The following EYA2 variants were observed in gnomAD, a reference collection of about 807,000 sequenced individuals.
EYA2 encodes protein phosphatase EYA2.
In EYA2, 31 loss-of-function variants were observed where a neutral mutation model predicts 69.2. The ratio of observed to expected loss-of-function variants is 0.45; its 90% CI spans 0.34 to 0.60. The LOEUF is 0.60. EYA2 is among the 20% of genes least tolerant of loss of function. The pLI is 0.02. For missense variants in EYA2, 622 were observed against 701.2 expected (o/e 0.89, Z 1.28); for synonymous variants, 257 against 279.4 (o/e 0.92, Z 0.80).
chr20:46,990,331 G>A (rs1018902489), intron 2 of EYA2, among the ~76,000 whole-genome samples: 6 of 152,180 alleles, frequency 3.9e-5, no homozygotes, highest in Non-Finnish European at 8.8e-5. Flanking sequence ...GTGCTCATTC[G>A]TGTCTTGAAC....
chr20:47,159,143 G>T (rs989868603), intron 10 of EYA2, among the ~76,000 whole-genome samples: 1 of 151,984 alleles, frequency 6.6e-6, no homozygotes, highest in Non-Finnish European at 1.5e-5. Context: ...TCTTTCCAAA[G>T]AGTACAATAT....
chr20:46,970,923 T>C (rs1245338385), intron 1 of EYA2, among the ~76,000 whole-genome samples: 3 of 128,730 alleles, frequency 2.3e-5, no homozygotes, highest in Non-Finnish European at 5.0e-5. Flanking sequence ...AATGATATTA[T>C]GGGGTTTGCT....
At chr20:47,145,135 A>G (rs1436930029) in intron 10 of EYA2, among the ~76,000 whole-genome samples, 2 of 152,212 alleles carry the variant, frequency 1.3e-5, no homozygotes, top group East Asian at 3.8e-4. Flanking sequence ...AAACAAATCC[A>G]TAAACAAGAC....
At chr20:47,031,620 C>G (rs1026421981) in intron 5 of EYA2, among the ~76,000 whole-genome samples, 8 of 152,202 alleles carry the variant, frequency 5.3e-5, no homozygotes, top group African/African-American at 1.7e-4. Flanking sequence ...TCCTTTTACT[C>G]CCAGAGGAAT....
intron 10 of EYA2, among the ~76,000 whole-genome samples, chr20:47,158,517 CA>C (rs11435825): frequency 6.4e-4 from 90 of 139,566 alleles, no homozygotes; most frequent in Admixed American, 7.4e-4. Context: ...AACTCTGTCT[CA>C]AAAAAAAAAA....
intron 9 of EYA2, among the ~76,000 whole-genome samples, chr20:47,114,859 T>TC (rs777363380): frequency 6.6e-6 from 1 of 152,152 alleles, no homozygotes; most frequent in East Asian, 1.9e-4. Context: ...TCCGCCACTC[T>TC]CCCCCTCTTG....
chr20:47,089,387 C>T lies in EYA2; in HGVS notation c.804+6C>T. On this transcript the variant is annotated splice_donor_region_variant and intron_variant, in intron 8 of 15. Coordinates refer to ENST00000327619, the MANE Select transcript of EYA2 (RefSeq NM_005244.5). ...CAGGGGACAATGAGATTGAGGTAAT[C>T]CAAAGGGGCTCTGTGTGACCTGGTG... 6.2e-7 allele frequency: 1 copy of T among 1,610,500 alleles called. No homozygotes were observed.
At chr20:46,978,574 C>T (rs143033887) in intron 1 of EYA2, 26 of 534,722 alleles carry the variant, frequency 4.9e-5, no homozygotes, top group African/African-American at 2.1e-4. Context: ...AGGCTGTGTT[C>T]GGAACTCTTT....
At chr20:47,053,495 G>A (rs746070157) in intron 5 of EYA2, among the ~76,000 whole-genome samples, 5 of 151,760 alleles carry the variant, frequency 3.3e-5, no homozygotes, top group Non-Finnish European at 5.9e-5. Context: ...ACAAAACTCC[G>A]TCTCTACTAG....
At position 47,188,557 on chromosome 20, in the gene EYA2, T is replaced by C; in HGVS notation, c.*424T>C. ...TTTCTTAGTCGTTGGTTTGGTTTGG[T>C]TTTTTGAACTGGTATGTGGGGTGGT... On this transcript the variant is annotated 3_prime_UTR_variant, in exon 16 of 16. Transcript: ENST00000327619. 1 of 461,050 alleles carries C rather than the reference T, an allele frequency of 2.2e-6. No individual in the cohort carries two copies. The highest frequency in any genetic ancestry group is 3.8e-6 in the Non-Finnish European group (1 of 262,924). 28.6% of individuals were successfully genotyped at this position (461,050 alleles called of 1,614,324 possible).
chr20:47,069,087 A>G (rs2031217399), intron 5 of EYA2, among the ~76,000 whole-genome samples: 2 of 152,324 alleles, frequency 1.3e-5, no homozygotes, highest in South Asian at 2.1e-4. Flanking sequence ...ATTCAGTCCA[A>G]TTCCTACCAA....
At chr20:46,958,451 A>G (rs946310405) in intron 1 of EYA2, among the ~76,000 whole-genome samples, 2 of 95,086 alleles carry the variant, frequency 2.1e-5, no homozygotes, top group Admixed American at 2.0e-4. Context: ...TGTAATTATG[A>G]AAAAAAAACA....
intron 10 of EYA2, among the ~76,000 whole-genome samples, chr20:47,145,915 TAAAAA>T (rs2033690879): frequency 4.3e-5 from 6 of 139,030 alleles, no homozygotes; most frequent in Admixed American, 2.1e-4. Context: ...AAAAAAAAAG[TAAAAA>T]AGAAAAGAAA....
At chr20:47,025,530 T>C (rs1009790745) in intron 5 of EYA2, among the ~76,000 whole-genome samples, 2 of 152,226 alleles carry the variant, frequency 1.3e-5, no homozygotes, top group African/African-American at 4.8e-5. Flanking sequence ...ATGCCTATTA[T>C]TGCATTGAAT....
chr20:47,007,918 A>G (rs938038000), intron 4 of EYA2, among the ~76,000 whole-genome samples: 2 of 152,124 alleles, frequency 1.3e-5, no homozygotes, highest in African/African-American at 4.8e-5. Context: ...ATGAGCTACC[A>G]TGCCCAGCCT....
At chr20:47,171,718 C>G (rs2146654425) in intron 11 of EYA2, among the ~76,000 whole-genome samples, 1 of 152,254 alleles carries the variant, frequency 6.6e-6, no homozygotes, top group East Asian at 1.9e-4. Flanking sequence ...TCCTGCCCTC[C>G]CCAAGGGCCT....
chr20:47,007,105 A>AT (rs34224235), intron 4 of EYA2, among the ~76,000 whole-genome samples: 3,498 of 151,826 alleles, frequency 0.023, 107 homozygotes, highest in African/African-American at 0.068. Flanking sequence ...AATTTTTTGT[A>AT]TTTTTTTGTA....
intron 9 of EYA2, among the ~76,000 whole-genome samples, chr20:47,137,008 G>C (rs1303575742): frequency 1.3e-5 from 2 of 152,110 alleles, no homozygotes; most frequent in African/African-American, 2.4e-5. Flanking sequence ...AAGTTCTCTA[G>C]TCAAACAAAG....
At chr20:46,932,618 C>T (rs1600556134) in intron 1 of EYA2, among the ~76,000 whole-genome samples, 1 of 152,142 alleles carries the variant, frequency 6.6e-6, no homozygotes, top group South Asian at 2.1e-4. Flanking sequence ...TGCGGTGGCT[C>T]AAGCCTGTAA....
Sources: allele counts gnomAD v4.1 joint callset (sites outside exome capture counted in the v4.1 genomes callset), GRCh38; gene constraint gnomAD v4.1.1; transcripts MANE v1.5; gene names NCBI Gene and HGNC (gene_info 2026-07-23, HGNC 2026-07-21).